The following TSPEAR variants were observed in gnomAD, a reference collection of about 807,000 sequenced individuals.
The protein encoded by TSPEAR is thrombospondin type laminin G domain and EAR repeats.
A neutral mutation model predicts 71.6 loss-of-function variants in TSPEAR; 69 were observed. The observed-to-expected ratio is 0.96, with a 90% CI of 0.79 to 1.18. The LOEUF is 1.18. Ranked by LOEUF, TSPEAR falls within the 50% of genes most tolerant of loss-of-function variation. TSPEAR has a pLI of 0.00. For synonymous variants in TSPEAR, 402 were observed against 387.2 expected (o/e 1.04, Z -0.45); for missense variants, 971 against 894.9 (o/e 1.09, Z -1.09).
At chr21:44,607,349 A>C (rs1317660933) in intron 1 of TSPEAR, among the ~76,000 whole-genome samples, 2 of 152,362 alleles carry the variant, frequency 1.3e-5, no homozygotes, top group South Asian at 2.1e-4. Flanking sequence ...AAGTGCTGGG[A>C]TTACAGGGCT....
chr21:44,607,677 T>G lies in TSPEAR; in HGVS notation c.83-39672A>C, dbSNP rs116286779. 7.4e-3 allele frequency among the ~76,000 whole-genome samples: 1,129 copies of G among 152,230 alleles called. 10 individuals are homozygous for G. The highest frequency in any genetic ancestry group is 0.026 in the African/African-American group (1,064 of 41,536). On this transcript the variant is annotated intron_variant, in intron 1 of 11. Transcript: ENST00000323084. ...TATTAATACCACACATCCATAAACA[T>G]GACTCAGATTGAAATAGATGACCAA...
At chr21:44,658,758 C>T (rs1430634528) in intron 1 of TSPEAR, among the ~76,000 whole-genome samples, 2 of 152,058 alleles carry the variant, frequency 1.3e-5, no homozygotes, top group African/African-American at 2.4e-5. Context: ...ACAGTGGAAA[C>T]CACCATGAGG....
intron 9 of TSPEAR, among the ~76,000 whole-genome samples, chr21:44,514,326 C>T (rs2052490284): frequency 6.6e-6 from 1 of 152,224 alleles, no homozygotes; most frequent in Non-Finnish European, 1.5e-5. Flanking sequence ...GTATCCTTGC[C>T]TACAGCACCT....
At chr21:44,647,121 C>A (rs1035288148) in intron 1 of TSPEAR, 2 of 1,614,068 alleles carry the variant, frequency 1.2e-6, no homozygotes, top group Non-Finnish European at 1.7e-6. Flanking sequence ...AGCCTAGCTG[C>A]CAGCCAGCTT....
Position 44,498,102 on chromosome 21 carries a change from C to G in TSPEAR, c.*1681G>C, listed in dbSNP as rs2051964143. ...GGAACAGTCAGTTACCTGTTTATCT[C>G]GTGCTCAGTAAATTGGCACTTTCCA... On this transcript the variant is annotated 3_prime_UTR_variant, in exon 12 of 12. Coordinates refer to ENST00000323084, the MANE Select transcript of TSPEAR (RefSeq NM_144991.3). 1 of 152,162 alleles carries G rather than the reference C, an allele frequency of 6.6e-6. No homozygotes were observed. The highest frequency in any genetic ancestry group is 2.1e-4 in the South Asian group (1 of 4,826). 9.4% of individuals were successfully genotyped at this position (152,162 alleles called of 1,614,324 possible).
At chr21:44,554,202 A>G (rs185159176) in intron 2 of TSPEAR, among the ~76,000 whole-genome samples, 13 of 152,320 alleles carry the variant, frequency 8.5e-5, no homozygotes, top group African/African-American at 3.1e-4. Context: ...CCTTTAAAGA[A>G]GAAACCGTGG....
chr21:44,595,436 G>A (rs1327081077), intron 1 of TSPEAR, among the ~76,000 whole-genome samples: 4 of 152,162 alleles, frequency 2.6e-5, no homozygotes, highest in Non-Finnish European at 4.4e-5. Flanking sequence ...CATGTCTTAC[G>A]AATGCTTCTG....
intron 1 of TSPEAR, among the ~76,000 whole-genome samples, chr21:44,703,527 T>G (rs1987759268): frequency 6.6e-6 from 1 of 152,172 alleles, no homozygotes; most frequent in Non-Finnish European, 1.5e-5. Context: ...TGAAGCTGAG[T>G]GTCGCTGTGG....
intron 1 of TSPEAR, among the ~76,000 whole-genome samples, chr21:44,569,973 T>C (rs1202294279): frequency 1.3e-5 from 2 of 152,074 alleles, no homozygotes; most frequent in East Asian, 3.9e-4. Flanking sequence ...CTGGAAAGAA[T>C]GGGTCTCTAA....
At chr21:44,597,437 C>CTTTT in intron 1 of TSPEAR, among the ~76,000 whole-genome samples, 2 of 119,220 alleles carry the variant, frequency 1.7e-5, no homozygotes, top group East Asian at 3.1e-4. Context: ...TCTTTCTTTT[C>CTTTT]TTTTTTTTTT....
intron 1 of TSPEAR, chr21:44,600,659 T>C: frequency 1.2e-6 from 2 of 1,613,798 alleles, no homozygotes; most frequent in Non-Finnish European, 1.7e-6. Context: ...TCCAGCGACC[T>C]GAGCTACGGC....
In TSPEAR at chr21:44,540,014, A is replaced by G. The variant is rs1569174566; in HGVS notation, c.304-6091T>C. On this transcript the variant is annotated intron_variant, in intron 2 of 11. Transcript: ENST00000323084. Reference sequence around the variant, plus strand: ...GGACACACGGCTCACTGGGGTGCAGACCAGGGTCAGGCAGGGGGCCGGGGC... The same window carrying G: ...GGACACACGGCTCACTGGGGTGCAGGCCAGGGTCAGGCAGGGGGCCGGGGC... The G allele has an allele frequency of 4.3e-6, 7 of 1,612,900 alleles. No homozygotes were observed. Among genetic ancestry groups the G allele is most frequent in the Non-Finnish European group, 5.9e-6 (7 of 1,179,748 alleles).
chr21:44,575,555 G>T (rs1357761497), intron 1 of TSPEAR, among the ~76,000 whole-genome samples: 1 of 152,198 alleles, frequency 6.6e-6, no homozygotes, highest in East Asian at 1.9e-4. Flanking sequence ...TGGCCATTTC[G>T]GGCCCTTGGG....
chr21:44,563,095 G>T (rs1460503081), intron 2 of TSPEAR, among the ~76,000 whole-genome samples: 1 of 151,956 alleles, frequency 6.6e-6, no homozygotes, highest in Non-Finnish European at 1.5e-5. Context: ...ATACAAAGGA[G>T]GTACATGGAA....
At chr21:44,558,176 A>T in intron 2 of TSPEAR, 1 of 1,543,722 alleles carries the variant, frequency 6.5e-7, no homozygotes, top group Middle Eastern at 1.7e-4. Flanking sequence ...AGGTGGAGGC[A>T]GGGGCACAGC....
chr21:44,551,233 T>C, intron 2 of TSPEAR: 1 of 1,613,870 alleles, frequency 6.2e-7, no homozygotes, highest in South Asian at 1.1e-5. Flanking sequence ...CACGAGGGCG[T>C]GCAGGAGCTG....
intron 11 of TSPEAR, among the ~76,000 whole-genome samples, chr21:44,503,596 CAG>C (rs1491154803): frequency 7.5e-6 from 1 of 133,374 alleles, no homozygotes; most frequent in Non-Finnish European, 1.6e-5. Context: ...GGTGAGCCCT[CAG>C]GGGGAAGCAA....
At position 44,598,427 on chromosome 21, in the gene TSPEAR, A is replaced by G. The variant is rs370469131; in HGVS notation, c.83-30422T>C. Among the ~76,000 whole-genome samples the G allele has an allele frequency of 7.4e-4, 113 of 152,326 alleles. No homozygotes were observed. The Middle Eastern group carries it at 0.014, about 18-fold the overall frequency. On this transcript the variant is annotated intron_variant, in intron 1 of 11. Coordinates refer to ENST00000323084, the MANE Select transcript of TSPEAR (RefSeq NM_144991.3). ...AGCCATATGGGAGACACCCTCCTGCACAGACATACATTTGCTTTGCTGAGA... is the reference window on the plus strand; with the variant it reads ...AGCCATATGGGAGACACCCTCCTGCGCAGACATACATTTGCTTTGCTGAGA...
intron 1 of TSPEAR, chr21:44,627,392 C>A: frequency 1.9e-6 from 3 of 1,613,998 alleles, no homozygotes; most frequent in Non-Finnish European, 2.5e-6. Context: ...TGCACCAGCT[C>A]CTGCACGCCC....
Sources: gnomAD v4.1 joint callset for allele counts (sites outside exome capture counted in the v4.1 genomes callset) on GRCh38, gnomAD v4.1.1 for gene constraint, MANE v1.5 for transcripts, NCBI Gene and HGNC (gene_info 2026-07-23, HGNC 2026-07-21) for gene names.